Variants in ANO4 observed in about 807,000 individuals in gnomAD.
ANO4 encodes anoctamin 4, also known as anoctamin-4.
ANO4 carries 69 observed loss-of-function variants against 141.9 expected under a neutral mutation model. That is an observed-to-expected ratio of 0.49 (90% CI 0.40 to 0.59). The LOEUF (loss-of-function observed/expected upper bound fraction) is 0.59. Ranked by LOEUF, ANO4 falls within the 20% of genes least tolerant of loss-of-function variation. ANO4 has a pLI of 0.00. For synonymous variants in ANO4, 350 were observed against 394.3 expected, an observed-to-expected ratio of 0.89 and a Z score of 1.33; for missense variants, 894 against 1,162.2, an observed-to-expected ratio of 0.77 and a Z score of 3.36.
chr12:100,779,279 C>T (rs2033637496), intron 3 of ANO4, among the ~76,000 whole-genome samples: 1 of 152,154 alleles, frequency 6.6e-6, no homozygotes, highest in African/African-American at 2.4e-5. Flanking sequence ...TTAGTGACAA[C>T]CTGAAGCTCC....
chr12:100,995,781 A>G (rs2045341265), intron 8 of ANO4, among the ~76,000 whole-genome samples: 2 of 152,208 alleles, frequency 1.3e-5, no homozygotes, highest in Non-Finnish European at 2.9e-5. Flanking sequence ...ATCTCCTACT[A>G]GACCGTGAGC....
At chr12:101,053,697 T>C (rs1319169660) in intron 14 of ANO4, among the ~76,000 whole-genome samples, 2 of 152,240 alleles carry the variant, frequency 1.3e-5, no homozygotes, top group Admixed American at 1.3e-4. Flanking sequence ...CTACTCCAGT[T>C]ATGACCCCAT....
chr12:100,922,914 C>G (rs2041692679), intron 3 of ANO4, among the ~76,000 whole-genome samples: 1 of 152,088 alleles, frequency 6.6e-6, no homozygotes, highest in Non-Finnish European at 1.5e-5. Context: ...CACATTTACT[C>G]AAGTTAAATA....
At chr12:100,793,070 T>C (rs2034109453), upstream of ANO4, among the ~76,000 whole-genome samples, 1 of 152,254 alleles carries the variant, frequency 6.6e-6, no homozygotes, top group African/African-American at 2.4e-5. Context: ...GAACATTTTC[T>C]GTCTTGGCAA....
chr12:101,118,964 G>C (rs562712063), intron 25 of ANO4, among the ~76,000 whole-genome samples: 5 of 149,664 alleles, frequency 3.3e-5, no homozygotes, highest in South Asian at 4.2e-4. Context: ...GAGAACATGC[G>C]GTGTTTGGTT....
In ANO4 at chr12:101,038,173, TA is replaced by T. The variant is rs540037618; in HGVS notation, c.897+1024del. ...GGAAATGTGTTTGGAATGCTCCATT[TA>T]CTATGACAGAAGCAAACATTTTGAC... On this transcript the variant is annotated intron_variant, in intron 10 of 27. Coordinates refer to ENST00000392977, the MANE Select transcript of ANO4 (RefSeq NM_001286615.2). 1.5e-3 allele frequency among the ~76,000 whole-genome samples: 224 copies of T among 152,342 alleles called. 1 individual carries two copies. The highest frequency in any genetic ancestry group is 5.1e-3 in the African/African-American group (211 of 41,584).
chr12:101,079,367 G>A (rs2049152713), intron 15 of ANO4, 92 bp downstream of exon 15: 10 of 1,086,480 alleles, frequency 9.2e-6, no homozygotes, highest in East Asian at 4.8e-5. Flanking sequence ...GTTCTGTGAC[G>A]GAAGTCAGGT....
At chr12:100,813,977 T>A (rs1355303604) in intron 1 of ANO4, among the ~76,000 whole-genome samples, 1 of 152,128 alleles carries the variant, frequency 6.6e-6, no homozygotes, top group Non-Finnish European at 1.5e-5. Flanking sequence ...GCATGTAATA[T>A]GGCTCTCAAT....
intron 8 of ANO4, among the ~76,000 whole-genome samples, chr12:101,007,565 C>T (rs978623642): frequency 6.6e-6 from 1 of 152,118 alleles, no homozygotes; most frequent in Non-Finnish European, 1.5e-5. Flanking sequence ...ACAGTTAGTG[C>T]TTGGCAGAAC....
intron 3 of ANO4, among the ~76,000 whole-genome samples, chr12:100,766,723 G>A (rs546997658): frequency 6.6e-6 from 1 of 152,238 alleles, no homozygotes; most frequent in South Asian, 2.1e-4. Flanking sequence ...TTGGATGGAA[G>A]TCTGTTTGAT....
intron 1 of ANO4, among the ~76,000 whole-genome samples, chr12:100,828,557 A>G: frequency 6.6e-6 from 1 of 152,034 alleles, no homozygotes; most frequent in South Asian, 2.1e-4. Flanking sequence ...TTTTAGTTTC[A>G]TGCCACTTTA....
At chr12:100,789,957 G>A (rs968976506), upstream of ANO4, among the ~76,000 whole-genome samples, 13 of 152,196 alleles carry the variant, frequency 8.5e-5, no homozygotes, top group Non-Finnish European at 1.6e-4. Flanking sequence ...AAAAAACACT[G>A]CGGAAACACA....
At chr12:100,903,049 CT>C (rs2040669842) in intron 2 of ANO4, among the ~76,000 whole-genome samples, 1 of 152,184 alleles carries the variant, frequency 6.6e-6, no homozygotes, top group Non-Finnish European at 1.5e-5. Flanking sequence ...TTCCTCCTCC[CT>C]TCCAAGCCAA....
intron 2 of ANO4, among the ~76,000 whole-genome samples, chr12:100,919,805 A>T (rs1362331142): frequency 1.3e-5 from 2 of 148,406 alleles, no homozygotes; most frequent in Non-Finnish European, 3.0e-5. Context: ...ATATTCTTGT[A>T]TTGGTTTTCC....
At chr12:100,917,618 T>C (rs1271240196) in intron 2 of ANO4, among the ~76,000 whole-genome samples, 1 of 152,214 alleles carries the variant, frequency 6.6e-6, no homozygotes, top group African/African-American at 2.4e-5. Flanking sequence ...CACTGATCAC[T>C]CTCCATTTAG....
intron 5 of ANO4, among the ~76,000 whole-genome samples, chr12:100,968,621 C>T (rs1041597511): frequency 6.6e-6 from 1 of 151,940 alleles, no homozygotes; most frequent in African/African-American, 2.4e-5. Flanking sequence ...CAAAGCCTTC[C>T]CAGATCTGAA....
intron 8 of ANO4, among the ~76,000 whole-genome samples, chr12:101,003,980 A>G (rs1352621977): frequency 3.3e-5 from 5 of 151,972 alleles, no homozygotes; most frequent in African/African-American, 9.7e-5. Context: ...TGATATTCCT[A>G]TCAGATTACC....
intron 8 of ANO4, among the ~76,000 whole-genome samples, chr12:100,993,920 A>T (rs2045255225): frequency 6.6e-6 from 1 of 152,180 alleles, no homozygotes; most frequent in Non-Finnish European, 1.5e-5. Flanking sequence ...TCTAGGTCTC[A>T]CCCTTATAAG....
At chr12:100,880,623 A>G (rs1441381817) in intron 1 of ANO4, among the ~76,000 whole-genome samples, 1 of 152,242 alleles carries the variant, frequency 6.6e-6, no homozygotes, top group Non-Finnish European at 1.5e-5. Context: ...AAACAGCAGC[A>G]TGAATCACTG....
Sources: gnomAD v4.1 joint callset for allele counts (sites outside exome capture counted in the v4.1 genomes callset) on GRCh38, gnomAD v4.1.1 for gene constraint, MANE v1.5 for transcripts, NCBI Gene and HGNC (gene_info 2026-07-23, HGNC 2026-07-21) for gene names.